Variants in FAM120C observed in about 807,000 individuals in gnomAD.
The protein encoded by FAM120C is constitutive coactivator of PPAR-gamma-like protein 2.
In FAM120C, 14 loss-of-function variants were observed where a neutral mutation model predicts 71.2. The ratio of observed to expected loss-of-function variants is 0.20; its 90% CI spans 0.13 to 0.31. The LOEUF is 0.31. Among genes scored for constraint, FAM120C ranks in the 10% least tolerant of loss-of-function variants. The probability of loss-of-function intolerance (pLI) is 1.00; values close to 1 mark genes in which losing one functional copy is unlikely to be tolerated. For missense variants in FAM120C, 500 were observed against 879.0 expected, an observed-to-expected ratio of 0.57 and a Z score of 5.45; for synonymous variants, 354 against 353.2, an observed-to-expected ratio of 1.00 and a Z score of -0.03.
At chrX:54,125,227 A>G (rs2067020478) in intron 9 of FAM120C, among the ~76,000 whole-genome samples, 1 of 109,588 alleles carries the variant, frequency 9.1e-6, no homozygotes, top group South Asian at 3.9e-4. Context: ...AAAAAAAAAA[A>G]TCAGTACTCA....
intron 1 of FAM120C, among the ~76,000 whole-genome samples, chrX:54,176,540 G>A (rs2067319533): frequency 9.0e-6 from 1 of 110,585 alleles, no homozygotes; most frequent in African/African-American, 3.3e-5. Flanking sequence ...GAATATTGGT[G>A]AGGTACCTCG....
intron 4 of FAM120C, among the ~76,000 whole-genome samples, chrX:54,150,851 C>T (rs782413126): frequency 1.8e-3 from 202 of 110,266 alleles, no homozygotes; most frequent in African/African-American, 6.2e-3. Flanking sequence ...TGGGTTCAAT[C>T]AATTCTTCTG....
intron 1 of FAM120C, among the ~76,000 whole-genome samples, chrX:54,177,054 CTA>C (rs2067322380): frequency 9.0e-6 from 1 of 110,968 alleles, no homozygotes; most frequent in Non-Finnish European, 1.9e-5. Flanking sequence ...AAGAAAAATA[CTA>C]TGAGAGAGGA....
At chrX:54,166,924 T>C (rs2067262442) in intron 1 of FAM120C, among the ~76,000 whole-genome samples, 2 of 109,180 alleles carry the variant, frequency 1.8e-5, no homozygotes, top group Non-Finnish European at 3.8e-5. Flanking sequence ...AATCAAAAGA[T>C]AAAATTGCAG....
intron 10 of FAM120C, among the ~76,000 whole-genome samples, chrX:54,097,804 G>T (rs1375618826): frequency 1.8e-5 from 2 of 110,649 alleles, no homozygotes; most frequent in East Asian, 2.8e-4. Context: ...TCGGCTCACT[G>T]CAAGCTCCAC....
chrX:54,104,116 T>C (rs1557124474), intron 10 of FAM120C, among the ~76,000 whole-genome samples: 1 of 112,086 alleles, frequency 8.9e-6, no homozygotes. Context: ...CTAGAAATGA[T>C]AAAGCCTTGA....
intron 9 of FAM120C, among the ~76,000 whole-genome samples, chrX:54,118,013 C>A (rs2066981188): frequency 9.0e-6 from 1 of 111,247 alleles, no homozygotes; most frequent in Non-Finnish European, 1.9e-5. Context: ...CACCTGAGGT[C>A]AGGAGTTCGA....
At chrX:54,114,448 T>G (rs2066956632) in intron 10 of FAM120C, among the ~76,000 whole-genome samples, 2 of 111,356 alleles carry the variant, frequency 1.8e-5, no homozygotes, top group Non-Finnish European at 3.8e-5. Flanking sequence ...TTTTGGTTTT[T>G]TTTTGTTGTG....
intron 9 of FAM120C, among the ~76,000 whole-genome samples, chrX:54,131,470 C>G (rs1208616266): frequency 9.4e-6 from 1 of 106,592 alleles, no homozygotes; most frequent in Non-Finnish European, 1.9e-5. Context: ...CGGAGTTTCG[C>G]TCTTGTTGCC....
intron 4 of FAM120C, among the ~76,000 whole-genome samples, chrX:54,146,841 C>A (rs1333302103): frequency 9.0e-6 from 1 of 111,478 alleles, no homozygotes; most frequent in East Asian, 2.8e-4. Context: ...ACAAACATGG[C>A]CAATTTATTT....
chrX:54,073,191 T>G lies in FAM120C; in HGVS notation c.3133A>C (p.Lys1045Gln). The G allele has an allele frequency of 6.6e-6, 8 of 1,211,139 alleles. No individual in the cohort carries two copies. The highest frequency in any genetic ancestry group is 8.9e-6 in the Non-Finnish European group (8 of 895,266). The change falls in exon 16 of 16, where the codon AAG becomes CAG. Residue 1045 changes from lysine (K) to glutamine (Q), a missense_variant. Lys to Gln is a moderately conservative substitution (Grantham distance 53, BLOSUM62 1). Around this residue, in one of 11 missense-constraint regions of FAM120C, gnomAD observed 85 missense variants for 96.1 expected, o/e 0.88. Coordinates refer to ENST00000375180, the MANE Select transcript of FAM120C (RefSeq NM_017848.6). ...GNSGALIKEEKSDHRLPAPSQ... is the reference protein window; with the variant it reads ...GNSGALIKEEQSDHRLPAPSQ... ...GGAGCTGGAAGACGATGATCACTCT[T>G]CTCTTCCTTGATCAATGCGCCACTG...
chrX:54,153,224 A>T (rs1191683948), intron 3 of FAM120C, among the ~76,000 whole-genome samples: 2 of 110,995 alleles, frequency 1.8e-5, no homozygotes, highest in Non-Finnish European at 3.8e-5. Flanking sequence ...GAAATTTTAG[A>T]AAACCTTCAG....
rs1322047663 is a variant in FAM120C, at chrX:54,072,659, A to G, written c.*374T>C. The G allele has an allele frequency of 7.8e-6, 1 of 128,544 alleles. No individual in the cohort carries two copies. Among genetic ancestry groups the G allele is most frequent in the African/African-American group, 3.2e-5 (1 of 31,378 alleles). The allele number at this position is 128,544 out of a possible 1,213,427, so 10.6% of individuals were successfully genotyped here. On this transcript the variant is annotated 3_prime_UTR_variant, in exon 16 of 16. Coordinates refer to ENST00000375180, the MANE Select transcript of FAM120C (RefSeq NM_017848.6). ...TAAGTCTTTGATAATGAGTATCATT[A>G]TAAATGCTCAGAAAAACCAAAGCTA...
intron 9 of FAM120C, among the ~76,000 whole-genome samples, chrX:54,124,482 C>A (rs1557127621): frequency 1.2e-5 from 1 of 86,874 alleles, no homozygotes; most frequent in Non-Finnish European, 2.3e-5. Flanking sequence ...ACCCGATTTT[C>A]CAGGTGCGTC....
chrX:54,158,706 T>C (rs955002765), intron 2 of FAM120C, among the ~76,000 whole-genome samples: 12 of 111,153 alleles, frequency 1.1e-4, no homozygotes, highest in African/African-American at 3.6e-4. Flanking sequence ...GAGGCGGAGA[T>C]TGCAGTGAGT....
intron 1 of FAM120C, among the ~76,000 whole-genome samples, chrX:54,168,634 C>T (rs781881716): frequency 1.5e-4 from 17 of 112,267 alleles, no homozygotes; most frequent in Non-Finnish European, 2.4e-4. Flanking sequence ...AGTACATAGA[C>T]CACTCACACG....
chrX:54,157,379 T>G (rs2067215309), intron 3 of FAM120C, among the ~76,000 whole-genome samples: 1 of 110,538 alleles, frequency 9.0e-6, no homozygotes, highest in African/African-American at 3.3e-5. Flanking sequence ...CTTAGCCTCC[T>G]GAGTAGCTGG....
At chrX:54,174,310 G>A (rs782229736) in intron 1 of FAM120C, among the ~76,000 whole-genome samples, 133 of 111,868 alleles carry the variant, frequency 1.2e-3, no homozygotes, top group Non-Finnish European at 2.1e-3. Context: ...GCCCACAAAC[G>A]GGGGGGACAG....
chrX:54,151,436 A>T, intron 3 of FAM120C, 63 bp from the exon 4 acceptor site: 1 of 1,083,457 alleles, frequency 9.2e-7, no homozygotes, highest in South Asian at 2.1e-5. Context: ...AAAAAGAGTG[A>T]AGTTGAGGGG....
Sources: gnomAD v4.1 joint callset for allele counts (sites outside exome capture counted in the v4.1 genomes callset) on GRCh38, gnomAD v4.1.1 for gene constraint, gnomAD v4.1.1 regional missense constraint, MANE v1.5 for transcripts, NCBI Gene and HGNC (gene_info 2026-07-23, HGNC 2026-07-21) for gene names.